The following AUTS2 variants were observed in gnomAD, a reference collection of about 807,000 sequenced individuals.
AUTS2 encodes the protein autism susceptibility gene 2 protein.
In AUTS2, 17 loss-of-function variants were observed where a neutral mutation model predicts 112.4. The ratio of observed to expected loss-of-function variants is 0.15; its 90% CI spans 0.10 to 0.23. The LOEUF is 0.23. Ranked by LOEUF, AUTS2 falls within the 10% of genes least tolerant of loss-of-function variation. The pLI is 1.00. For missense variants in AUTS2, 1,510 were observed against 1,701.6 expected (o/e 0.89, Z 1.98); for synonymous variants, 751 against 702.7 (o/e 1.07, Z -1.09).
intron 4 of AUTS2, among the ~76,000 whole-genome samples, chr7:70,405,833 A>G (rs1347945360): frequency 2.0e-5 from 3 of 152,230 alleles, no homozygotes; most frequent in Non-Finnish European, 4.4e-5. Flanking sequence ...TTGCTGTTAT[A>G]TGTATTCATG....
At chr7:70,661,257 A>C (rs958269696) in intron 5 of AUTS2, among the ~76,000 whole-genome samples, 1 of 152,162 alleles carries the variant, frequency 6.6e-6, no homozygotes, top group Non-Finnish European at 1.5e-5. Flanking sequence ...GTCTGAGGCC[A>C]TCTTCTTCAG....
In AUTS2 at chr7:69,901,253, G is replaced by A. The variant is rs147347907; in HGVS notation, c.522+1755G>A. 4.2e-4 allele frequency among the ~76,000 whole-genome samples: 64 copies of A among 152,258 alleles called. 2 individuals are homozygous for A. In the East Asian group the frequency reaches 0.012, roughly 29 times the overall value. On this transcript the variant is annotated intron_variant, in intron 2 of 18. Coordinates refer to ENST00000342771, the MANE Select transcript of AUTS2 (RefSeq NM_015570.4). ...GAGAAAAGTAATTAATCTCAGTGGA[G>A]AGAGATTGCAATGTAACCACCCCCC...
chr7:70,557,452 C>T (rs927370797), intron 5 of AUTS2, among the ~76,000 whole-genome samples: 5 of 152,160 alleles, frequency 3.3e-5, no homozygotes, highest in East Asian at 1.9e-4. Context: ...GATATTCTGG[C>T]GGCATAGTCA....
At chr7:69,823,831 A>T (rs116840980) in intron 1 of AUTS2, among the ~76,000 whole-genome samples, 2,191 of 152,288 alleles carry the variant, frequency 0.014, 22 homozygotes, top group Middle Eastern at 0.037. Context: ...TAAACGTTTC[A>T]TATGAACATT....
intron 2 of AUTS2, among the ~76,000 whole-genome samples, chr7:70,021,372 A>G (rs916907452): frequency 6.6e-6 from 1 of 152,174 alleles, no homozygotes; most frequent in Non-Finnish European, 1.5e-5. Context: ...GTCTGCCGGT[A>G]ATCCTGTTTT....
chr7:70,712,051 G>A (rs562044474), intron 6 of AUTS2, among the ~76,000 whole-genome samples: 1 of 151,056 alleles, frequency 6.6e-6, no homozygotes, highest in Non-Finnish European at 1.5e-5. Flanking sequence ...TTGAGACAGG[G>A]TCTCACTCTG....
At chr7:69,744,735 G>A (rs2129253960) in intron 1 of AUTS2, among the ~76,000 whole-genome samples, 1 of 152,150 alleles carries the variant, frequency 6.6e-6, no homozygotes, top group South Asian at 2.1e-4. Context: ...ATCTGGGGAT[G>A]CTGAGGATCA....
intron 2 of AUTS2, among the ~76,000 whole-genome samples, chr7:70,041,699 A>G (rs977488637): frequency 2.0e-5 from 3 of 152,008 alleles, no homozygotes; most frequent in Admixed American, 2.0e-4. Context: ...TGGGTTTAAA[A>G]TCTTATCTGA....
intron 2 of AUTS2, among the ~76,000 whole-genome samples, chr7:70,054,993 T>C (rs780300747): frequency 1.2e-4 from 19 of 152,192 alleles, no homozygotes; most frequent in Non-Finnish European, 2.6e-4. Flanking sequence ...TTTCTGAGAA[T>C]GCCACTTGTC....
intron 1 of AUTS2, among the ~76,000 whole-genome samples, chr7:69,682,104 TATC>T: frequency 6.6e-6 from 1 of 152,344 alleles, no homozygotes; most frequent in South Asian, 2.1e-4. Context: ...AACTCTTAAT[TATC>T]ATATAATATG....
chr7:69,626,573 T>A (rs1046546796), intron 1 of AUTS2, among the ~76,000 whole-genome samples: 2 of 152,156 alleles, frequency 1.3e-5, no homozygotes, highest in Non-Finnish European at 2.9e-5. Flanking sequence ...TTTGGGCTCT[T>A]CCACAAGGTT....
rs1001463068 is a variant in AUTS2 at position 70,251,058 on chromosome 7, T to C, written c.660+116487T>C. On this transcript the variant is annotated intron_variant, in intron 4 of 18. Transcript: ENST00000342771. ...TGTCATATGAATAAATTTCCAGTTA[T>C]AAAATATTTCTTTTTTTTTTTGTTG... Among the ~76,000 whole-genome samples the C allele has an allele frequency of 2.0e-5, 3 of 152,088 alleles. No individual in the cohort carries two copies. In the South Asian group the frequency reaches 6.2e-4, roughly 32 times the overall value.
At chr7:69,825,808 C>T (rs940809617) in intron 1 of AUTS2, 1 of 152,188 alleles carries the variant, frequency 6.6e-6, no homozygotes, top group African/African-American at 2.4e-5. Flanking sequence ...CTTCGGAATG[C>T]TTGAGGCATA....
At chr7:69,760,249 G>C (rs557279371) in intron 1 of AUTS2, among the ~76,000 whole-genome samples, 1 of 139,102 alleles carries the variant, frequency 7.2e-6, no homozygotes, top group Non-Finnish European at 1.5e-5. Context: ...TGACCTGGCC[G>C]ATCTCAAACT....
At chr7:70,613,553 G>T (rs1804204828) in intron 5 of AUTS2, among the ~76,000 whole-genome samples, 2 of 152,164 alleles carry the variant, frequency 1.3e-5, no homozygotes. Flanking sequence ...AGAGCAGAGG[G>T]GAGGGTTGCC....
intron 5 of AUTS2, among the ~76,000 whole-genome samples, chr7:70,592,683 G>T (rs1302833579): frequency 6.6e-6 from 1 of 152,100 alleles, no homozygotes; most frequent in Non-Finnish European, 1.5e-5. Flanking sequence ...TTTTACTGAA[G>T]TTGTAGATGT....
At chr7:69,825,379 C>A (rs1791192970) in intron 1 of AUTS2, among the ~76,000 whole-genome samples, 1 of 152,174 alleles carries the variant, frequency 6.6e-6, no homozygotes, top group African/African-American at 2.4e-5. Context: ...TTTTAAAAAA[C>A]TCCCTAGGTG....
rs138281405 is a variant in AUTS2, at chr7:70,226,480, G to C, written c.660+91909G>C. Among the ~76,000 whole-genome samples, 216 of 151,464 alleles carry C rather than the reference G, an allele frequency of 1.4e-3. 1 individual carries two copies. In the East Asian group the frequency reaches 0.016, roughly 12 times the overall value. Reference sequence around the variant, plus strand: ...TTGGCCTGCTGAAGTGCTGGGATTAGAGTCGTGAGCCACCATACCTGGCCC... The same window carrying C: ...TTGGCCTGCTGAAGTGCTGGGATTACAGTCGTGAGCCACCATACCTGGCCC... On this transcript the variant is annotated intron_variant, in intron 4 of 18. Coordinates refer to ENST00000342771, the MANE Select transcript of AUTS2 (RefSeq NM_015570.4).
At chr7:69,776,182 G>A (rs766310466) in intron 1 of AUTS2, among the ~76,000 whole-genome samples, 2 of 152,214 alleles carry the variant, frequency 1.3e-5, no homozygotes, top group African/African-American at 4.8e-5. Flanking sequence ...AGGGAACTAT[G>A]TGTGGGGGAA....
Sources: allele counts gnomAD v4.1 joint callset (sites outside exome capture counted in the v4.1 genomes callset), GRCh38; gene constraint gnomAD v4.1.1; transcripts MANE v1.5; gene names NCBI Gene and HGNC (gene_info 2026-07-23, HGNC 2026-07-21).